Variants in CLCA4 observed in about 807,000 individuals in gnomAD.
CLCA4 encodes the protein chloride channel accessory 4.
In CLCA4, 69 loss-of-function variants were observed where a neutral mutation model predicts 78.9. That is an observed-to-expected ratio of 0.87 (90% CI 0.72 to 1.07). CLCA4 has a LOEUF of 1.07. Ranked by LOEUF, CLCA4 falls within the 50% of genes least tolerant of loss-of-function variation. The pLI, the probability that CLCA4 is intolerant of heterozygous loss-of-function variation, is 0.00. For missense variants in CLCA4, 1,133 were observed against 1,095.8 expected (o/e 1.03, Z -0.48); for synonymous variants, 362 against 375.8 (o/e 0.96, Z 0.42).
chr1:86,567,915 C>T (rs1650247988), intron 7 of CLCA4, among the ~76,000 whole-genome samples: 1 of 151,986 alleles, frequency 6.6e-6, no homozygotes, highest in South Asian at 2.1e-4. Context: ...GTCTTGTTAC[C>T]ACGCAGTAGT....
At chr1:86,560,665 T>C (rs1376110097) in intron 3 of CLCA4, among the ~76,000 whole-genome samples, 10 of 152,256 alleles carry the variant, frequency 6.6e-5, no homozygotes, top group African/African-American at 1.7e-4. Flanking sequence ...AATGTTTTTC[T>C]TAAGGCATGC....
chr1:86,551,622 A>G (rs1649665855), intron 1 of CLCA4, among the ~76,000 whole-genome samples: 2 of 152,166 alleles, frequency 1.3e-5, no homozygotes, highest in African/African-American at 4.8e-5. Flanking sequence ...AATCTAACAG[A>G]GCAGCACAGG....
chr1:86,563,671 T>G lies in CLCA4; in HGVS notation c.459T>G (p.Phe153Leu). 6.4e-7 allele frequency: 1 copy of G among 1,571,584 alleles called. No individual in the cohort carries two copies. The highest frequency in any genetic ancestry group is 8.7e-7 in the Non-Finnish European group (1 of 1,155,664). The change falls in exon 4 of 14, where the codon TTT becomes TTG. Residue 153 changes from phenylalanine (F) to leucine (L), a missense_variant. Coordinates refer to ENST00000370563, the MANE Select transcript of CLCA4 (RefSeq NM_012128.4). ...AATGCTTTCCCACAGGCAAACTGTT[T>G]GTCCATGAGTGGGCTCACCTCCGGT... ...QNEYGPPGKL[F>L]VHEWAHLRWG...
At chr1:86,577,450 T>A (rs1169875724) in intron 11 of CLCA4, among the ~76,000 whole-genome samples, 1 of 152,104 alleles carries the variant, frequency 6.6e-6, no homozygotes. Flanking sequence ...GTAATTTTAG[T>A]TGACTGTTGT....
rs1270459500 is a variant in CLCA4 at position 86,580,052 on chromosome 1, A to G, written c.2467A>G (p.Lys823Glu). 1.9e-6 allele frequency: 3 copies of G among 1,613,014 alleles called. No individual in the cohort carries two copies. In the South Asian group the frequency reaches 3.3e-5, roughly 18 times the overall value. Reference protein sequence around the residue: ...TDLSPKEANSKESFAFKPENI... With the variant: ...TDLSPKEANSEESFAFKPENI... Reference sequence around the variant, plus strand: ...TCTGTCACCAAAGGAGGCCAACTCCAAGGAAAGCTTTGCATTTAAACCAGA... The same window carrying G: ...TCTGTCACCAAAGGAGGCCAACTCCGAGGAAAGCTTTGCATTTAAACCAGA... The change falls in exon 14 of 14, where the codon AAG becomes GAG. Residue 823 changes from lysine (K) to glutamate (E), a missense_variant. By Grantham distance (56) the Lys-to-Glu change is moderately conservative. Coordinates refer to ENST00000370563, the MANE Select transcript of CLCA4 (RefSeq NM_012128.4).
At chr1:86,565,021 A>G (rs772231467) in intron 4 of CLCA4, among the ~76,000 whole-genome samples, 1 of 152,052 alleles carries the variant, frequency 6.6e-6, no homozygotes, top group Non-Finnish European at 1.5e-5. Flanking sequence ...CAAGGAGAGA[A>G]CTCATTAGAG....
intron 7 of CLCA4, among the ~76,000 whole-genome samples, chr1:86,568,484 A>C (rs1393385575): frequency 6.6e-6 from 1 of 151,508 alleles, no homozygotes; most frequent in Non-Finnish European, 1.5e-5. Context: ...CAATTAATAT[A>C]AATTATGTCA....
chr1:86,559,717 G>A (rs1476445998), intron 1 of CLCA4, among the ~76,000 whole-genome samples: 2 of 152,298 alleles, frequency 1.3e-5, no homozygotes, highest in East Asian at 1.9e-4. Context: ...TTTTAAGGCA[G>A]GATTATAGAA....
chr1:86,558,425 A>G (rs376638960), intron 1 of CLCA4, among the ~76,000 whole-genome samples: 212 of 152,282 alleles, frequency 1.4e-3, no homozygotes, highest in African/African-American at 4.9e-3. Flanking sequence ...TTGACAAGGA[A>G]ACTTAGTTTG....
At chr1:86,547,371 G>A (rs564862957) in intron 1 of CLCA4, 93 bp downstream of exon 1, 4 of 993,708 alleles carry the variant, frequency 4.0e-6, no homozygotes, top group African/African-American at 3.4e-5. Flanking sequence ...GGCATACAAA[G>A]TAGTATTTCT....
intron 5 of CLCA4, 66 bp from the exon 6 acceptor site, chr1:86,565,736 G>GTTT (rs1650163896): frequency 1.0e-6 from 1 of 985,300 alleles, no homozygotes; most frequent in Non-Finnish European, 1.4e-6. Flanking sequence ...AAATTTTTCA[G>GTTT]GTTTGTAGTT....
intron 1 of CLCA4, among the ~76,000 whole-genome samples, chr1:86,551,269 A>G (rs1010640351): frequency 6.6e-6 from 1 of 151,954 alleles, no homozygotes; most frequent in Non-Finnish European, 1.5e-5. Flanking sequence ...AAAACCCAAA[A>G]CTTTAAAAAT....
chr1:86,571,328 C>T lies in CLCA4; in HGVS notation c.1360+74C>T. The T allele has an allele frequency of 2.1e-6, 3 of 1,427,608 alleles. No homozygotes were observed. In the South Asian group the frequency reaches 4.1e-5, roughly 20 times the overall value. 88.4% of individuals were successfully genotyped at this position (1,427,608 alleles called of 1,614,324 possible). ...GTAAAGGCTGACAGTTCAACAACGT[C>T]TCTTGAGTTTCTGCCTTGGAGGCAC... On this transcript the variant is annotated intron_variant, in intron 8 of 13. Coordinates refer to ENST00000370563, the MANE Select transcript of CLCA4 (RefSeq NM_012128.4).
Position 86,580,408 on chromosome 1 carries a change from G to GGGAGAGGAGC in CLCA4, c.*63_*64insGGAGAGGAGC. 8 of 1,239,356 alleles carry GGGAGAGGAGC rather than the reference G, an allele frequency of 6.5e-6. No homozygotes were observed. The highest frequency in any genetic ancestry group is 8.7e-6 in the Non-Finnish European group (8 of 915,522). 76.8% of individuals were successfully genotyped at this position (1,239,356 alleles called of 1,614,324 possible). On this transcript the variant is annotated 3_prime_UTR_variant, in exon 14 of 14. Coordinates refer to ENST00000370563, the MANE Select transcript of CLCA4 (RefSeq NM_012128.4). Reference sequence around the variant, plus strand: ...AGAGAGTTTTAAAAAACAAAACAATGTAAGTAAAGGATATTTCTGAATCTT... The same window carrying GGGAGAGGAGC: ...AGAGAGTTTTAAAAAACAAAACAATGGGAGAGGAGCTAAGTAAAGGATATTTCTGAATCTT...
rs776977227 is a variant in CLCA4 at position 86,572,655 on chromosome 1, G to A, written c.1402G>A (p.Gly468Ser). Reference protein sequence around the residue: ...FYVSDEAQNNGLIDAFGALTS... With the variant: ...FYVSDEAQNNSLIDAFGALTS... Reference sequence around the variant, plus strand: ...TGTTTCAGATGAAGCTCAGAACAATGGCCTCATTGATGCTTTTGGGGCTCT... The same window carrying A: ...TGTTTCAGATGAAGCTCAGAACAATAGCCTCATTGATGCTTTTGGGGCTCT... Residue 468 changes from glycine to serine, a missense_variant, in exon 9 of 14, where the codon GGC becomes AGC. Transcript: ENST00000370563. 4.3e-6 allele frequency: 7 copies of A among 1,609,562 alleles called. No homozygotes were observed. Among genetic ancestry groups the A allele is most frequent in the Non-Finnish European group, 6.0e-6 (7 of 1,176,344 alleles).
At chr1:86,557,328 T>C (rs1558183109) in intron 1 of CLCA4, among the ~76,000 whole-genome samples, 1 of 152,224 alleles carries the variant, frequency 6.6e-6, no homozygotes, top group Non-Finnish European at 1.5e-5. Flanking sequence ...TCTTTCTAAC[T>C]TTTTGATGTG....
intron 3 of CLCA4, among the ~76,000 whole-genome samples, chr1:86,562,869 A>AAAAG (rs1553193603): frequency 2.2e-4 from 33 of 148,396 alleles, no homozygotes; most frequent in South Asian, 8.6e-4. Context: ...AAAAAAAAAA[A>AAAAG]AAGAAGAAGA....
intron 1 of CLCA4, among the ~76,000 whole-genome samples, chr1:86,548,684 G>GAAA (rs10615856): frequency 1.1e-5 from 1 of 94,146 alleles, no homozygotes; most frequent in Non-Finnish European, 2.1e-5. Context: ...TCCCTCTCTG[G>GAAA]AAAAAAAAAA....
At chr1:86,561,584 T>G (rs1166002177) in intron 3 of CLCA4, among the ~76,000 whole-genome samples, 1 of 152,130 alleles carries the variant, frequency 6.6e-6, no homozygotes, top group East Asian at 1.9e-4. Context: ...GTCTACCAAT[T>G]TTCTCAAGAT....
Sources: allele counts gnomAD v4.1 joint callset (sites outside exome capture counted in the v4.1 genomes callset), GRCh38; gene constraint gnomAD v4.1.1; transcripts MANE v1.5; gene names NCBI Gene and HGNC (gene_info 2026-07-23, HGNC 2026-07-21).